HELZ: variants seen among roughly 807,000 people sequenced by gnomAD.
HELZ encodes ATP-dependent RNA helicase with zinc finger domain.
HELZ carries 23 observed loss-of-function variants against 218.2 expected under a neutral mutation model. The observed-to-expected ratio is 0.11, with a 90% CI of 0.08 to 0.15. The LOEUF is 0.15. HELZ is among the 10% of genes least tolerant of loss of function. The pLI, the probability that HELZ is intolerant of heterozygous loss-of-function variation, is 1.00. For missense variants in HELZ, 1,813 were observed against 2,353.7 expected, an observed-to-expected ratio of 0.77 and a Z score of 4.75; for synonymous variants, 814 against 829.4, an observed-to-expected ratio of 0.98 and a Z score of 0.32.
intron 3 of HELZ, among the ~76,000 whole-genome samples, chr17:67,239,005 T>C (rs1177975716): frequency 1.3e-5 from 2 of 152,206 alleles, no homozygotes; most frequent in African/African-American, 2.4e-5. Flanking sequence ...AAACTGCAGA[T>C]ATATACAGTC....
upstream of HELZ, chr17:67,245,483 C>T (rs2041459455): frequency 1.0e-6 from 1 of 985,780 alleles, no homozygotes; most frequent in Non-Finnish European, 1.2e-6. Context: ...CGTTCCTGCC[C>T]GGGCAGACGC....
chr17:67,143,869 C>T (rs1210189940), intron 21 of HELZ, among the ~76,000 whole-genome samples: 1 of 152,190 alleles, frequency 6.6e-6, no homozygotes, highest in African/African-American at 2.4e-5. Context: ...TTACACACAG[C>T]ACATATGCTA....
chr17:67,120,596 T>C lies in HELZ; in HGVS notation c.3647A>G (p.Tyr1216Cys), dbSNP rs2037579933. 1 of 1,611,482 alleles carries C rather than the reference T, an allele frequency of 6.2e-7. No homozygotes were observed. Among genetic ancestry groups the C allele is most frequent in the Non-Finnish European group, 8.5e-7 (1 of 1,178,776 alleles). Residue 1216 changes from tyrosine to cysteine, a missense_variant, in exon 27 of 33, where the codon TAC becomes TGC. Physicochemically the swap from Tyr to Cys is radical, Grantham distance 194. Coordinates refer to ENST00000358691, the MANE Select transcript of HELZ (RefSeq NM_014877.4). The part of the protein sequence containing the change: ...SVPLPVPWTG[Y>C]QGRFAVDPRI... ...AGGATCAACTGCAAACCTACCCTGG[T>C]ATCCTGTCCATGGTACCTAGGTTAT...
In HELZ at chr17:67,109,484, G is replaced by A; in HGVS notation, c.4121C>T (p.Pro1374Leu). 1 of 1,614,134 alleles carries A rather than the reference G, an allele frequency of 6.2e-7. No homozygotes were observed. The highest frequency in any genetic ancestry group is 8.5e-7 in the Non-Finnish European group (1 of 1,180,036). Residue 1374 changes from proline to leucine, a missense_variant, in exon 29 of 33, where the codon CCA becomes CTA. Physicochemically the swap from Pro to Leu is moderately conservative, Grantham distance 98. Coordinates refer to ENST00000358691, the MANE Select transcript of HELZ (RefSeq NM_014877.4). ...CTGATTTAACAAGGTGTGCTGCTGT[G>A]GAATTGGAAAGGGTGGTCTTGGTAG... ...PQLPRPPFPI[P>L]QQHTLLNQQQ... is the part of the protein sequence containing the mutation.
At chr17:67,119,251 G>A (rs189965002) in intron 27 of HELZ, among the ~76,000 whole-genome samples, 18 of 152,256 alleles carry the variant, frequency 1.2e-4, no homozygotes, top group African/African-American at 4.3e-4. Context: ...ACTAATAGGT[G>A]TATCAAATGA....
chr17:67,142,276 G>A (rs2038351143), intron 21 of HELZ, among the ~76,000 whole-genome samples: 1 of 152,100 alleles, frequency 6.6e-6, no homozygotes, highest in East Asian at 1.9e-4. Flanking sequence ...GGAGGCTGAG[G>A]GAGGTGGATC....
In HELZ at chr17:67,144,940, G is replaced by C. The variant is rs772729872; in HGVS notation, c.2769+803C>G. The stretch of plus-strand genomic sequence containing the variant: ...GCTAGGATTTTATCAAGTGAGTACT[G>C]ATGATTTTTTTGTACTGACTTCTAA... On this transcript the variant is annotated intron_variant, in intron 21 of 32. Transcript: ENST00000358691. 7.3e-4 allele frequency among the ~76,000 whole-genome samples: 111 copies of C among 152,280 alleles called. 1 individual carries two copies. The highest frequency in any genetic ancestry group is 5.0e-4 in the Non-Finnish European group (34 of 68,010).
At chr17:67,145,990 T>C in intron 20 of HELZ, 100 bp from the exon 21 acceptor site, 1 of 1,011,734 alleles carries the variant, frequency 9.9e-7, no homozygotes, top group Non-Finnish European at 1.4e-6. Flanking sequence ...AATATTGCCT[T>C]ATGTCCATGA....
At chr17:67,180,948 G>T (rs1350967781) in intron 12 of HELZ, among the ~76,000 whole-genome samples, 1 of 150,296 alleles carries the variant, frequency 6.7e-6, no homozygotes, top group African/African-American at 2.5e-5. Context: ...AGCTACTTAG[G>T]AGACTGAGGC....
chr17:67,150,142 T>TTTTTTTTTTTTTTTTTTTTTTTTTTC, intron 18 of HELZ, 157 bp from the exon 19 acceptor site: 1 of 474,972 alleles, frequency 2.1e-6, no homozygotes, highest in Non-Finnish European at 3.6e-6. Flanking sequence ...TTTTTTTTTT[T>TTTTTTTTTTTTTTTTTTTTTTTTTTC]TTTTTTTTTT....
At chr17:67,233,527 T>C (rs575320193) in intron 3 of HELZ, among the ~76,000 whole-genome samples, 4 of 152,304 alleles carry the variant, frequency 2.6e-5, no homozygotes, top group East Asian at 3.9e-4. Context: ...ACTGGGAATC[T>C]TGAAGCTTCC....
At chr17:67,236,552 G>A (rs2041190853) in intron 3 of HELZ, among the ~76,000 whole-genome samples, 2 of 152,100 alleles carry the variant, frequency 1.3e-5, no homozygotes, top group East Asian at 1.9e-4. Flanking sequence ...ATTGTAGCAT[G>A]ACTTGATGAA....
chr17:67,081,251 A>G (rs9303515), intron 32 of HELZ, among the ~76,000 whole-genome samples: 98,258 of 152,004 alleles, frequency 0.65, 32,581 homozygotes, highest in East Asian at 0.88. Flanking sequence ...CCAATTAGGT[A>G]AAAGAAAAAT....
At chr17:67,241,806 T>C (rs747226520) in intron 2 of HELZ, among the ~76,000 whole-genome samples, 3 of 152,232 alleles carry the variant, frequency 2.0e-5, no homozygotes, top group Non-Finnish European at 4.4e-5. Context: ...AAGCTCTGTC[T>C]TTATTCAGCT....
At chr17:67,111,358 G>A (rs1049102797) in intron 28 of HELZ, among the ~76,000 whole-genome samples, 5 of 151,994 alleles carry the variant, frequency 3.3e-5, no homozygotes, top group Admixed American at 1.3e-4. Context: ...TTTCTTTTCC[G>A]GCTCTGTCAA....
intron 3 of HELZ, among the ~76,000 whole-genome samples, chr17:67,229,723 C>G (rs549093913): frequency 2.0e-5 from 3 of 152,308 alleles, no homozygotes; most frequent in East Asian, 1.9e-4. Context: ...TTTAGTTCAT[C>G]TGCATTTTTC....
In HELZ at chr17:67,078,442, T is replaced by C. The variant is rs756939700; in HGVS notation, c.5639A>G (p.Asn1880Ser). ...CGCAGAGCTCTGGGGGCTACTGCTA[T>C]TGGCCGACTCCGCGATCTGCTTGTT... is the stretch of plus-strand genomic sequence containing the variant. Reference protein sequence around the residue: ...MPNKQIAESANSSSPQSSAGG... With the variant: ...MPNKQIAESASSSSPQSSAGG... The change falls in exon 33 of 33, where the codon AAT becomes AGT. Residue 1880 changes from asparagine to serine, a missense_variant. By Grantham distance (46) the Asn-to-Ser change is conservative. Around this residue, in one of 4 missense-constraint regions of HELZ, gnomAD observed 938 missense variants for 1,027.5 expected, o/e 0.91. Coordinates refer to ENST00000358691, the MANE Select transcript of HELZ (RefSeq NM_014877.4). The C allele has an allele frequency of 8.1e-6, 13 of 1,595,194 alleles. No individual in the cohort carries two copies. The Admixed American group carries it at 2.4e-4, about 29-fold the overall frequency.
intron 32 of HELZ, among the ~76,000 whole-genome samples, chr17:67,085,756 C>T (rs2036350381): frequency 2.0e-5 from 3 of 151,988 alleles, no homozygotes; most frequent in Non-Finnish European, 2.9e-5. Context: ...TCAACGTCTA[C>T]AGCATACAAA....
Position 67,108,311 on chromosome 17 carries a change from A to C in HELZ, c.4724+181T>G. 1 of 568,934 alleles carries C rather than the reference A, an allele frequency of 1.8e-6. No homozygotes were observed. 35.2% of individuals were successfully genotyped at this position (568,934 alleles called of 1,614,324 possible). On this transcript the variant is annotated intron_variant, in intron 30 of 32. Transcript: ENST00000358691. This position sits in a 1 kb window ranked among gnomAD's most constrained non-coding sequence, Gnocchi z 4.1. ...CCATGCCTAAATTTGTAGAAGAGTT[A>C]CTTCTAAATGAGTTTTCTGTATTTT...
Sources: allele counts gnomAD v4.1 joint callset (sites outside exome capture counted in the v4.1 genomes callset), GRCh38; gene constraint gnomAD v4.1.1; regional missense constraint gnomAD v4.1.1; non-coding constraint Gnocchi (gnomAD v3.1); transcripts MANE v1.5; gene names NCBI Gene and HGNC (gene_info 2026-07-23, HGNC 2026-07-21).